RGS6: variants seen among roughly 807,000 people sequenced by gnomAD.
The protein encoded by RGS6 is regulator of G protein signaling 6, also known as regulator of G-protein signaling 6.
In RGS6, 30 loss-of-function variants were observed where a neutral mutation model predicts 78.5. That is an observed-to-expected ratio of 0.38 (90% CI 0.29 to 0.52). The LOEUF (loss-of-function observed/expected upper bound fraction) is 0.52, where lower values mean the gene tolerates loss of function less well. Ranked by LOEUF, RGS6 falls within the 20% of genes least tolerant of loss-of-function variation. The probability of loss-of-function intolerance (pLI) is 0.85; values close to 1 mark genes in which losing one functional copy is unlikely to be tolerated. For synonymous variants in RGS6, 206 were observed against 206.0 expected, an observed-to-expected ratio of 1.00 and a Z score of 0.00; for missense variants, 495 against 609.7, an observed-to-expected ratio of 0.81 and a Z score of 1.98.
intron 2 of RGS6, among the ~76,000 whole-genome samples, chr14:72,065,228 A>C (rs893854805): frequency 1.3e-5 from 2 of 152,068 alleles, no homozygotes; most frequent in African/African-American, 4.8e-5. Context: ...TCATTTTCCT[A>C]TTTTATTTTG....
At chr14:72,621,013 C>T in the RGS6 span, among the ~76,000 whole-genome samples, 1 of 151,998 alleles carries the variant, frequency 6.6e-6, no homozygotes, top group Admixed American at 6.5e-5. Context: ...TGGTGGCGTG[C>T]ACCTGTAATC....
At chr14:72,616,212 G>T in the RGS6 span, among the ~76,000 whole-genome samples, 2 of 152,180 alleles carry the variant, frequency 1.3e-5, no homozygotes, top group Non-Finnish European at 2.9e-5. Flanking sequence ...TTGGCCCAAG[G>T]TCAGTCAGCT....
At chr14:72,223,331 C>T (rs528220878) in intron 2 of RGS6, among the ~76,000 whole-genome samples, 7 of 152,310 alleles carry the variant, frequency 4.6e-5, no homozygotes, top group East Asian at 1.9e-4. Context: ...AACCAAATGG[C>T]GACGTAGCAT....
chr14:72,160,284 ATTAC>A (rs2096834359), intron 2 of RGS6, among the ~76,000 whole-genome samples: 1 of 152,206 alleles, frequency 6.6e-6, no homozygotes, highest in South Asian at 2.1e-4. Context: ...CAGAACTACA[ATTAC>A]TTCTTTTTTC....
Position 72,312,514 on chromosome 14 carries a change from G to A in RGS6, c.85-39581G>A, listed in dbSNP as rs1006277512. 3.9e-5 allele frequency among the ~76,000 whole-genome samples: 6 copies of A among 152,094 alleles called. No homozygotes were observed. The South Asian group carries it at 6.2e-4, about 16-fold the overall frequency. On this transcript the variant is annotated intron_variant, in intron 2 of 17. Coordinates refer to ENST00000553525, the MANE Select transcript of RGS6 (RefSeq NM_001204424.2). The stretch of plus-strand genomic sequence containing the variant: ...TGGTTTTAGCTTTGCCACTAATTTC[G>A]TGTGTTTCCTTATGCAAGTGTCCAG...
chr14:72,100,516 A>T (rs567640293), intron 2 of RGS6, among the ~76,000 whole-genome samples: 2 of 152,106 alleles, frequency 1.3e-5, no homozygotes, highest in African/African-American at 4.8e-5. Context: ...AAAAGGTAGA[A>T]AGAAAGACTG....
At chr14:72,217,003 GT>G (rs1388358135) in intron 2 of RGS6, among the ~76,000 whole-genome samples, 2 of 152,212 alleles carry the variant, frequency 1.3e-5, no homozygotes, top group African/African-American at 4.8e-5. Flanking sequence ...ATTCGGAGGT[GT>G]GTGTTTCATT....
At chr14:72,282,374 G>T (rs847339) in intron 2 of RGS6, among the ~76,000 whole-genome samples, 146,924 of 152,320 alleles carry the variant, frequency 0.96, 70,883 homozygotes, top group East Asian at 1. Context: ...ACAGGTTTCC[G>T]TGAACCATTT....
chr14:72,182,782 G>A (rs2097191279), intron 2 of RGS6, among the ~76,000 whole-genome samples: 1 of 152,230 alleles, frequency 6.6e-6, no homozygotes, highest in Non-Finnish European at 1.5e-5. Context: ...GTGGGGAAAT[G>A]TGCCAATGAC....
At chr14:72,183,007 T>A (rs1488958995) in intron 2 of RGS6, among the ~76,000 whole-genome samples, 1 of 152,220 alleles carries the variant, frequency 6.6e-6, no homozygotes, top group Admixed American at 6.5e-5. Context: ...AGCCACATGG[T>A]AAGGTCCCAG....
the RGS6 span, among the ~76,000 whole-genome samples, chr14:72,576,092 A>C: frequency 6.6e-6 from 1 of 152,238 alleles, no homozygotes; most frequent in South Asian, 2.1e-4. Context: ...TTCTAGGTGA[A>C]CTGCCTCACA....
At chr14:72,525,697 G>T (rs1488090156) in intron 15 of RGS6, among the ~76,000 whole-genome samples, 1 of 152,214 alleles carries the variant, frequency 6.6e-6, no homozygotes, top group Non-Finnish European at 1.5e-5. Context: ...GTTCATCTTT[G>T]CTCCAGTGGT....
intron 17 of RGS6, chr14:72,540,915 G>A (rs2097316942): frequency 1.0e-6 from 1 of 985,326 alleles, no homozygotes; most frequent in African/African-American, 1.7e-5. Context: ...GGAGTGGGGA[G>A]TCCGTGGCTG....
chr14:72,094,958 TG>T (rs2153511122), intron 2 of RGS6, among the ~76,000 whole-genome samples: 1 of 152,306 alleles, frequency 6.6e-6, no homozygotes, highest in East Asian at 1.9e-4. Flanking sequence ...TCTTAACCAC[TG>T]TGCTTTTGAA....
the RGS6 span, among the ~76,000 whole-genome samples, chr14:72,595,394 A>AT: frequency 6.6e-6 from 1 of 152,198 alleles, no homozygotes; most frequent in Non-Finnish European, 1.5e-5. Flanking sequence ...TCCAAAGATC[A>AT]TCTCATCCAC....
intron 2 of RGS6, among the ~76,000 whole-genome samples, chr14:72,101,322 G>A (rs1228030649): frequency 6.6e-6 from 1 of 152,144 alleles, no homozygotes; most frequent in African/African-American, 2.4e-5. Flanking sequence ...TTTCATTTTT[G>A]AGTGTCTACC....
intron 2 of RGS6, among the ~76,000 whole-genome samples, chr14:72,165,618 T>TCCA (rs1246226174): frequency 3.9e-5 from 6 of 152,184 alleles, no homozygotes; most frequent in African/African-American, 1.2e-4. Flanking sequence ...TGGACATCTT[T>TCCA]CCACCCAAGC....
intron 2 of RGS6, among the ~76,000 whole-genome samples, chr14:72,250,284 G>A (rs1444797316): frequency 6.6e-6 from 1 of 150,868 alleles, no homozygotes; most frequent in Non-Finnish European, 1.5e-5. Flanking sequence ...AATGATTGTT[G>A]CACTCTCCTA....
chr14:72,293,075 C>A (rs567388015), intron 2 of RGS6, among the ~76,000 whole-genome samples: 2 of 152,074 alleles, frequency 1.3e-5, no homozygotes, highest in East Asian at 3.9e-4. Context: ...AAACAGAAAC[C>A]AAAAAAAGCC....
Sources: gnomAD v4.1 joint callset for allele counts (sites outside exome capture counted in the v4.1 genomes callset) on GRCh38, gnomAD v4.1.1 for gene constraint, MANE v1.5 for transcripts, NCBI Gene and HGNC (gene_info 2026-07-23, HGNC 2026-07-21) for gene names.